Variants in CDH18 observed in about 807,000 individuals in gnomAD.
CDH18 encodes cadherin-18.
Under a neutral mutation model 67.9 loss-of-function variants are expected in CDH18, and 31 were observed. The ratio of observed to expected loss-of-function variants is 0.46; its 90% confidence interval spans 0.34 to 0.62. The LOEUF (loss-of-function observed/expected upper bound fraction) is 0.62, where lower values mean the gene tolerates loss of function less well. Ranked by LOEUF, CDH18 falls within the 20% of genes least tolerant of loss-of-function variation. CDH18 has a pLI of 0.01. For synonymous variants in CDH18, 362 were observed against 347.2 expected, an observed-to-expected ratio of 1.04 and a Z score of -0.48; for missense variants, 890 against 975.5, an observed-to-expected ratio of 0.91 and a Z score of 1.17.
chr5:19,896,214 C>A (rs990118485), intron 2 of CDH18, among the ~76,000 whole-genome samples: 3 of 151,852 alleles, frequency 2.0e-5, no homozygotes, highest in Non-Finnish European at 2.9e-5. Flanking sequence ...AAAAAATTAT[C>A]AGGGCATGGT....
intron 1 of CDH18, among the ~76,000 whole-genome samples, chr5:20,458,126 G>C (rs1189160962): frequency 2.0e-5 from 3 of 152,036 alleles, no homozygotes; most frequent in Admixed American, 1.3e-4. Flanking sequence ...TTATTTGTTT[G>C]TTTGTTTTTG....
At position 20,310,562 on chromosome 5, in the gene CDH18, A is replaced by G. The variant is rs139339714; in HGVS notation, c.-579-55057T>C. Among the ~76,000 whole-genome samples the G allele has an allele frequency of 1.1e-3, 169 of 152,298 alleles. 2 individuals carry two copies. The highest frequency in any genetic ancestry group is 3.8e-3 in the African/African-American group (157 of 41,574). Reference sequence around the variant, plus strand: ...TGACCTCAGGGTTTTTTACTCGCTCATTATGTCTCATCTGTAATAAAGAGT... The same window carrying G: ...TGACCTCAGGGTTTTTTACTCGCTCGTTATGTCTCATCTGTAATAAAGAGT... On this transcript the variant is annotated intron_variant, in intron 1 of 14. Transcript: ENST00000507958.
intron 1 of CDH18, among the ~76,000 whole-genome samples, chr5:20,360,973 T>G (rs987347180): frequency 6.6e-6 from 1 of 152,086 alleles, no homozygotes; most frequent in Non-Finnish European, 1.5e-5. Flanking sequence ...CATAAGTGAT[T>G]TTATTTTAAT....
chr5:20,413,200 C>G (rs891030756), intron 1 of CDH18, among the ~76,000 whole-genome samples: 1 of 152,202 alleles, frequency 6.6e-6, no homozygotes, highest in Non-Finnish European at 1.5e-5. Flanking sequence ...TTTTCTTAAT[C>G]CAGTCTATCA....
chr5:20,101,849 G>A lies in CDH18; in HGVS notation c.-517-109835C>T, dbSNP rs192019431. 1.0e-3 allele frequency among the ~76,000 whole-genome samples: 159 copies of A among 152,250 alleles called. 1 individual carries two copies. The highest frequency in any genetic ancestry group is 3.6e-3 in the African/African-American group (151 of 41,550). ...AGCATTTTGGGAGGCCGAGGCGGGCGGGTCACAAGGTCAGGAGTTCGAGGC... is the reference window on the plus strand; with the variant it reads ...AGCATTTTGGGAGGCCGAGGCGGGCAGGTCACAAGGTCAGGAGTTCGAGGC... On this transcript the variant is annotated intron_variant, in intron 2 of 14. Coordinates refer to the CDH18 transcript ENST00000507958.
At chr5:19,790,028 C>T (rs1304905483) in intron 3 of CDH18, among the ~76,000 whole-genome samples, 1 of 151,876 alleles carries the variant, frequency 6.6e-6, no homozygotes, top group African/African-American at 2.4e-5. Flanking sequence ...TACCATCATA[C>T]ATAAATGTCC....
intron 5 of CDH18, among the ~76,000 whole-genome samples, chr5:19,685,756 G>A (rs1344276981): frequency 6.6e-6 from 1 of 152,166 alleles, no homozygotes; most frequent in Non-Finnish European, 1.5e-5. Flanking sequence ...TACATCACCT[G>A]TGTAAACAAT....
intron 2 of CDH18, among the ~76,000 whole-genome samples, chr5:20,107,501 T>C (rs1333427703): frequency 6.6e-6 from 1 of 152,216 alleles, no homozygotes; most frequent in Non-Finnish European, 1.5e-5. Flanking sequence ...CTATATTCTT[T>C]ATCCACTATT....
rs146486823 is a variant in CDH18, at chr5:19,679,748, C to T, written c.643+41599G>A. ...ACAGCTAAGTGTAGAGGCGGAAGAT[C>T]TCTACAAAGAGAACTATAAAATACT... On this transcript the variant is annotated intron_variant, in intron 5 of 12. Transcript: ENST00000382275. 3.9e-5 allele frequency among the ~76,000 whole-genome samples: 6 copies of T among 151,956 alleles called. No individual in the cohort carries two copies. In the East Asian group the frequency reaches 1.2e-3, roughly 29 times the overall value.
intron 2 of CDH18, among the ~76,000 whole-genome samples, chr5:20,217,887 T>C (rs114001659): frequency 0.023 from 3,566 of 151,888 alleles, 146 homozygotes; most frequent in African/African-American, 0.08. Flanking sequence ...ACAAAATAGA[T>C]TTCAAGATAA....
chr5:20,273,230 C>A (rs1344999847), intron 1 of CDH18, among the ~76,000 whole-genome samples: 3 of 151,988 alleles, frequency 2.0e-5, no homozygotes, highest in South Asian at 2.1e-4. Context: ...CGGGACCTAG[C>A]ATAGACAATA....
chr5:19,871,523 A>G (rs914441091), intron 2 of CDH18, among the ~76,000 whole-genome samples: 1 of 152,170 alleles, frequency 6.6e-6, no homozygotes, highest in Non-Finnish European at 1.5e-5. Flanking sequence ...GTTGATTCCA[A>G]ACTTTTTTAG....
intron 2 of CDH18, among the ~76,000 whole-genome samples, chr5:19,972,745 C>T (rs1461259762): frequency 6.6e-6 from 1 of 151,908 alleles, no homozygotes; most frequent in African/African-American, 2.4e-5. Flanking sequence ...ATATACATAA[C>T]TTATAACATA....
At chr5:20,232,079 C>G (rs1298312944) in intron 2 of CDH18, among the ~76,000 whole-genome samples, 1 of 151,824 alleles carries the variant, frequency 6.6e-6, no homozygotes, top group Non-Finnish European at 1.5e-5. Context: ...GCAAAACAAG[C>G]GAAGCAATTC....
At chr5:19,554,943 A>T (rs1302440633) in intron 8 of CDH18, among the ~76,000 whole-genome samples, 1 of 152,220 alleles carries the variant, frequency 6.6e-6, no homozygotes, top group African/African-American at 2.4e-5. Flanking sequence ...CTTTGGAACA[A>T]TCAACAAGCA....
chr5:19,619,360 A>G (rs1411008225), intron 5 of CDH18, among the ~76,000 whole-genome samples: 1 of 152,224 alleles, frequency 6.6e-6, no homozygotes, highest in Non-Finnish European at 1.5e-5. Context: ...AAACATTTTA[A>G]TAAACACAAA....
intron 2 of CDH18, among the ~76,000 whole-genome samples, chr5:20,047,196 G>C (rs1470887438): frequency 1.3e-5 from 2 of 151,654 alleles, no homozygotes; most frequent in Non-Finnish European, 1.5e-5. Flanking sequence ...ATACAATTGG[G>C]TTCAACTACT....
intron 4 of CDH18, among the ~76,000 whole-genome samples, chr5:19,744,671 T>C (rs1198959910): frequency 6.6e-6 from 1 of 152,162 alleles, no homozygotes; most frequent in Non-Finnish European, 1.5e-5. Flanking sequence ...TCTCCAAATA[T>C]TTATTTTGCC....
chr5:19,945,079 T>C (rs1264499753), intron 2 of CDH18, among the ~76,000 whole-genome samples: 1 of 152,152 alleles, frequency 6.6e-6, no homozygotes, highest in Non-Finnish European at 1.5e-5. Flanking sequence ...AGGCTGATTA[T>C]CCTACAGTGG....
Sources: gnomAD v4.1 joint callset for allele counts (sites outside exome capture counted in the v4.1 genomes callset) on GRCh38, gnomAD v4.1.1 for gene constraint, MANE v1.5 for transcripts, NCBI Gene and HGNC (gene_info 2026-07-23, HGNC 2026-07-21) for gene names.